The following CTNNA2 variants were observed in gnomAD, a reference collection of about 807,000 sequenced individuals.
CTNNA2 encodes the protein catenin alpha 2, also known as catenin alpha-2.
In CTNNA2, 42 loss-of-function variants were observed where a neutral mutation model predicts 101.0. That is an observed-to-expected ratio of 0.42 (90% CI 0.32 to 0.54). CTNNA2 has a LOEUF of 0.54. CTNNA2 is among the 20% of genes least tolerant of loss of function. The pLI, the probability that CTNNA2 is intolerant of heterozygous loss-of-function variation, is 0.14. For synonymous variants in CTNNA2, 450 were observed against 456.4 expected (o/e 0.99, Z 0.18); for missense variants, 871 against 1,223.1 (o/e 0.71, Z 4.29).
intron 7 of CTNNA2, among the ~76,000 whole-genome samples, chr2:79,994,815 C>A (rs1431360387): frequency 6.6e-6 from 1 of 152,124 alleles, no homozygotes; most frequent in East Asian, 1.9e-4. Context: ...TCATGCAATA[C>A]CTCTTGATGC....
At chr2:79,616,909 C>CT (rs1425285033) in intron 1 of CTNNA2, among the ~76,000 whole-genome samples, 3 of 146,342 alleles carry the variant, frequency 2.0e-5, no homozygotes, top group South Asian at 2.2e-4. Flanking sequence ...TTCTTTCTTT[C>CT]TTTTTTTTTC....
At chr2:80,023,390 T>G (rs1694708171) in intron 7 of CTNNA2, among the ~76,000 whole-genome samples, 1 of 152,184 alleles carries the variant, frequency 6.6e-6, no homozygotes, top group Non-Finnish European at 1.5e-5. Flanking sequence ...CTATTATTTC[T>G]GCAATTAGTT....
chr2:80,565,791 G>T (rs1281771701), intron 12 of CTNNA2, among the ~76,000 whole-genome samples: 2 of 152,094 alleles, frequency 1.3e-5, no homozygotes, highest in Non-Finnish European at 2.9e-5. Context: ...CCGGTGCCTA[G>T]AGTACTGCTT....
intron 7 of CTNNA2, among the ~76,000 whole-genome samples, chr2:80,102,964 A>G (rs1228675428): frequency 1.3e-5 from 2 of 152,286 alleles, no homozygotes; most frequent in African/African-American, 2.4e-5. Context: ...CGTGAGTTCT[A>G]TTCCAGAAGC....
intron 7 of CTNNA2, among the ~76,000 whole-genome samples, chr2:80,194,750 A>G (rs1706729079): frequency 1.3e-5 from 2 of 149,598 alleles, no homozygotes; most frequent in South Asian, 2.1e-4. Flanking sequence ...AATTATATAA[A>G]TTAATTCTAT....
chr2:80,642,428 T>C lies in CTNNA2; in HGVS notation c.2575-5157T>C, dbSNP rs539018646. Among the ~76,000 whole-genome samples the C allele has an allele frequency of 2.0e-5, 3 of 152,330 alleles. No individual in the cohort carries two copies. The East Asian group carries it at 5.8e-4, about 29-fold the overall frequency. On this transcript the variant is annotated intron_variant, in intron 18 of 18. Coordinates refer to ENST00000402739, the MANE Select transcript of CTNNA2 (RefSeq NM_001282597.3). ...GTGAGCTCTTGTGTTTCAGTGCTTATGTCTATTTGTGTTTCTATACCCAAC... is the reference window on the plus strand; with the variant it reads ...GTGAGCTCTTGTGTTTCAGTGCTTACGTCTATTTGTGTTTCTATACCCAAC...
chr2:79,880,219 C>G (rs1262989225), intron 6 of CTNNA2, among the ~76,000 whole-genome samples: 1 of 152,048 alleles, frequency 6.6e-6, no homozygotes, highest in Non-Finnish European at 1.5e-5. Flanking sequence ...TTTGGTTGGT[C>G]AGTATTTGAT....
At chr2:79,584,870 T>A (rs1009371077) in intron 1 of CTNNA2, among the ~76,000 whole-genome samples, 4 of 152,222 alleles carry the variant, frequency 2.6e-5, no homozygotes, top group Non-Finnish European at 5.9e-5. Context: ...TGGCTCTGTG[T>A]ATGCACCAGT....
At position 79,816,532 on chromosome 2, in the gene CTNNA2, G is replaced by T. The variant is rs115935956; in HGVS notation, c.299-41481G>T. Among the ~76,000 whole-genome samples, 299 of 152,220 alleles carry T rather than the reference G, an allele frequency of 2.0e-3. 1 individual carries two copies. Among genetic ancestry groups the T allele is most frequent in the African/African-American group, 6.9e-3 (288 of 41,558 alleles). On this transcript the variant is annotated intron_variant, in intron 3 of 18. Transcript: ENST00000402739. ...AGAGTTAATATAAAAAGAATGAGAA[G>T]ATACAAGAAGAGCAGGAGCATATAT...
chr2:79,491,386 C>T (rs527985817), intron 4 of CTNNA2, among the ~76,000 whole-genome samples: 44 of 152,218 alleles, frequency 2.9e-4, no homozygotes, highest in Non-Finnish European at 5.0e-4. Context: ...AGAGTATATA[C>T]CATCTTTGTT....
At chr2:80,288,017 G>A (rs1674917170) in intron 7 of CTNNA2, among the ~76,000 whole-genome samples, 1 of 152,120 alleles carries the variant, frequency 6.6e-6, no homozygotes, top group Non-Finnish European at 1.5e-5. Context: ...GTTTGATCTT[G>A]ATACTCAAAT....
At chr2:80,221,907 G>GT (rs1708598451) in intron 7 of CTNNA2, among the ~76,000 whole-genome samples, 7 of 152,282 alleles carry the variant, frequency 4.6e-5, no homozygotes, top group Admixed American at 4.6e-4. Flanking sequence ...ATTGCCTCCA[G>GT]TTGTATGGCT....
chr2:80,009,076 T>C (rs991591797), intron 7 of CTNNA2, among the ~76,000 whole-genome samples: 2 of 152,230 alleles, frequency 1.3e-5, no homozygotes, highest in African/African-American at 4.8e-5. Flanking sequence ...AGTTGTCTTT[T>C]ACTGTCTGAC....
intron 2 of CTNNA2, among the ~76,000 whole-genome samples, chr2:79,221,031 T>G (rs1160235273): frequency 1.3e-5 from 2 of 152,212 alleles, no homozygotes; most frequent in Non-Finnish European, 2.9e-5. Context: ...TGACTTCTAG[T>G]GCAAAAACAT....
chr2:79,483,650 A>G (rs1253592917), intron 4 of CTNNA2, among the ~76,000 whole-genome samples: 1 of 152,178 alleles, frequency 6.6e-6, no homozygotes, highest in Non-Finnish European at 1.5e-5. Flanking sequence ...AAAAGTGGGA[A>G]CATATGATGT....
Position 79,271,229 on chromosome 2 carries a change from T to G in CTNNA2, c.-405-41480T>G, listed in dbSNP as rs963699845. ...TTTTTGGCTATGGGAGGTTTTTTAT[T>G]GCAATATCATGATAATAGAGCCTAG... On this transcript the variant is annotated intron_variant, in intron 2 of 21. Coordinates refer to the CTNNA2 transcript ENST00000466387. 3.3e-5 allele frequency among the ~76,000 whole-genome samples: 5 copies of G among 152,206 alleles called. No individual in the cohort carries two copies. The East Asian group carries it at 5.8e-4, about 18-fold the overall frequency.
chr2:80,486,256 C>T (rs1247704615), intron 9 of CTNNA2, among the ~76,000 whole-genome samples: 1 of 152,070 alleles, frequency 6.6e-6, no homozygotes, highest in East Asian at 1.9e-4. Context: ...AATAAAATAC[C>T]ATCCTTGTCC....
chr2:79,922,071 C>T (rs920762690), intron 7 of CTNNA2, among the ~76,000 whole-genome samples: 3 of 152,272 alleles, frequency 2.0e-5, no homozygotes, highest in Middle Eastern at 3.4e-3. Context: ...AATTATCTGA[C>T]GTAATCAACA....
chr2:80,546,054 T>A lies in CTNNA2; in HGVS notation c.1531T>A (p.Ser511Thr). The A allele has an allele frequency of 6.2e-7, 1 of 1,613,962 alleles. No homozygotes were observed. The highest frequency in any genetic ancestry group is 8.5e-7 in the Non-Finnish European group (1 of 1,179,976). The change falls in exon 11 of 19, where the codon TCT becomes ACT. Residue 511 changes from serine (S) to threonine (T), a missense_variant. By Grantham distance (58) the Ser-to-Thr change is moderately conservative. Around this residue, in one of 5 missense-constraint regions of CTNNA2, gnomAD observed 647 missense variants for 831.5 expected, o/e 0.78. Coordinates refer to ENST00000402739, the MANE Select transcript of CTNNA2 (RefSeq NM_001282597.3). Reference sequence around the variant, plus strand: ...CATCACCTCAGTGGATGACTTCCTCTCTGTCTCAGGTAATCATCACAAACA... The same window carrying A: ...CATCACCTCAGTGGATGACTTCCTCACTGTCTCAGGTAATCATCACAAACA... Reference protein sequence around the residue: ...DDITSVDDFLSVSENHILEDV... With the variant: ...DDITSVDDFLTVSENHILEDV...
Sources: gnomAD v4.1 joint callset for allele counts (sites outside exome capture counted in the v4.1 genomes callset) on GRCh38, gnomAD v4.1.1 for gene constraint, gnomAD v4.1.1 regional missense constraint, MANE v1.5 for transcripts, NCBI Gene and HGNC (gene_info 2026-07-23, HGNC 2026-07-21) for gene names.